The following TJP1 variants were observed in gnomAD, a reference collection of about 807,000 sequenced individuals.
The protein encoded by TJP1 is tight junction protein ZO-1.
Under a neutral mutation model 194.2 loss-of-function variants are expected in TJP1, and 43 were observed. The ratio of observed to expected loss-of-function variants is 0.22; its 90% CI spans 0.17 to 0.29. The LOEUF is 0.29. TJP1 is among the 10% of genes least tolerant of loss of function. The pLI is 1.00. For missense variants in TJP1, 1,971 were observed against 2,185.7 expected, an observed-to-expected ratio of 0.90 and a Z score of 1.96; for synonymous variants, 801 against 779.0, an observed-to-expected ratio of 1.03 and a Z score of -0.47.
chr15:29,880,794 CAATATTCCATTGTACGTA>C (rs2052899164), intron 2 of TJP1, among the ~76,000 whole-genome samples: 1 of 152,176 alleles, frequency 6.6e-6, no homozygotes, highest in Non-Finnish European at 1.5e-5. Context: ...TTAAGCCGAA[CAATATTCCATTGTACGTA>C]TATATCACAT....
chr15:29,909,338 CAAAAAAAA>C (rs11353216), intron 2 of TJP1, among the ~76,000 whole-genome samples: 3 of 93,670 alleles, frequency 3.2e-5, no homozygotes, highest in Non-Finnish European at 6.3e-5. Context: ...ACTTCATCTC[CAAAAAAAA>C]AAAAAAAAAA....
chr15:29,705,377 C>A, intron 26 of TJP1, 151 bp downstream of exon 26: 2 of 760,934 alleles, frequency 2.6e-6, no homozygotes, highest in South Asian at 3.7e-5. Flanking sequence ...CCACTGCTTG[C>A]TTGCAACACC....
chr15:29,956,032 C>A (rs1210365673), intron 2 of TJP1, among the ~76,000 whole-genome samples: 1 of 152,106 alleles, frequency 6.6e-6, no homozygotes, highest in Non-Finnish European at 1.5e-5. Flanking sequence ...TCAGAATCAT[C>A]ATTATGAACC....
intron 5 of TJP1, among the ~76,000 whole-genome samples, chr15:29,763,485 G>A (rs1235990578): frequency 6.6e-6 from 1 of 152,128 alleles, no homozygotes; most frequent in African/African-American, 2.4e-5. Flanking sequence ...TTACATAAGA[G>A]TAGGCTGGGC....
chr15:29,791,086 G>A lies in TJP1; in HGVS notation c.84+9560C>T, dbSNP rs543823683. On this transcript the variant is annotated intron_variant, in intron 2 of 27. Transcript: ENST00000614355. ...TCTGTCACCAGGCTGGAGTGCAATG[G>A]CGCGATTTCGGCTCACTGCAATCTC... Among the ~76,000 whole-genome samples, 7 of 151,070 alleles carry A rather than the reference G, an allele frequency of 4.6e-5. No individual in the cohort carries two copies. The East Asian group carries it at 1.4e-3, about 29-fold the overall frequency.
chr15:29,930,762 T>C (rs193204228), intron 2 of TJP1, among the ~76,000 whole-genome samples: 7 of 152,184 alleles, frequency 4.6e-5, no homozygotes, highest in Admixed American at 1.3e-4. Flanking sequence ...GGCGTAAGGA[T>C]TGGAAAGGAA....
intron 2 of TJP1, among the ~76,000 whole-genome samples, chr15:29,890,801 T>TA (rs11292309): frequency 0.39 from 57,435 of 148,266 alleles, 11,252 homozygotes; most frequent in Middle Eastern, 0.52. Flanking sequence ...CATCTACTGT[T>TA]AAAAAAAAAA....
Position 29,704,252 on chromosome 15 carries a change from G to A in TJP1, c.5122C>T (p.Leu1708=), listed in dbSNP as rs2041748978. 5.0e-6 allele frequency: 8 copies of A among 1,598,260 alleles called. No individual in the cohort carries two copies. The highest frequency in any genetic ancestry group is 6.8e-6 in the Non-Finnish European group (8 of 1,172,660). ...VMCGPHGLKF[L]KPVELRLPHC... ...GGTAAGCGCAGCTCCACAGGCTTCA[G>A]GAACTTGAGGCCATGGGGACCACAC... The change falls in exon 27 of 28, where the codon CTG becomes TTG. Residue 1708 remains leucine, a synonymous_variant. Coordinates refer to ENST00000614355, the MANE Select transcript of TJP1 (RefSeq NM_001330239.4).
chr15:29,800,575 T>G, intron 2 of TJP1, 71 bp downstream of exon 2: 2 of 1,486,076 alleles, frequency 1.3e-6, no homozygotes, highest in Non-Finnish European at 1.9e-6. Flanking sequence ...ACATCTGGCT[T>G]TCCTCTATTG....
At chr15:29,825,617 C>CAA (rs1257934219), upstream of TJP1, among the ~76,000 whole-genome samples, 3 of 151,974 alleles carry the variant, frequency 2.0e-5, no homozygotes, top group African/African-American at 7.2e-5. Context: ...GTTTTAATTG[C>CAA]AAAAAAGATC....
At chr15:29,727,653 C>G (rs574705288) in intron 16 of TJP1, among the ~76,000 whole-genome samples, 1 of 152,276 alleles carries the variant, frequency 6.6e-6, no homozygotes, top group East Asian at 1.9e-4. Context: ...ATGTAAATAA[C>G]AAACTACAAC....
intron 8 of TJP1, among the ~76,000 whole-genome samples, chr15:29,749,631 C>G (rs2045109645): frequency 6.6e-6 from 1 of 152,088 alleles, no homozygotes; most frequent in African/African-American, 2.4e-5. Flanking sequence ...GTGAAGTCTC[C>G]CATGAGATAC....
chr15:29,914,419 A>AAAGCC (rs1269868411), intron 2 of TJP1, among the ~76,000 whole-genome samples: 1 of 152,164 alleles, frequency 6.6e-6, no homozygotes, highest in East Asian at 1.9e-4. Flanking sequence ...AAGCCTGGAG[A>AAAGCC]AAGCCAGGCA....
intron 2 of TJP1, among the ~76,000 whole-genome samples, chr15:29,924,370 C>G (rs2054460539): frequency 6.6e-6 from 1 of 151,910 alleles, no homozygotes; most frequent in Non-Finnish European, 1.5e-5. Flanking sequence ...CATGCTCAGC[C>G]AATAATTTTT....
intron 2 of TJP1, among the ~76,000 whole-genome samples, chr15:29,834,461 ACCTG>A (rs1339126930): frequency 1.3e-5 from 2 of 150,068 alleles, no homozygotes; most frequent in Non-Finnish European, 3.0e-5. Flanking sequence ...CTCACAATCC[ACCTG>A]CCTTGGCCTC....
chr15:29,783,072 G>A (rs1408660737), intron 2 of TJP1, among the ~76,000 whole-genome samples: 4 of 152,012 alleles, frequency 2.6e-5, no homozygotes, highest in Admixed American at 6.6e-5. Flanking sequence ...TCAGAAGTTC[G>A]AGGCCAGCCT....
At chr15:29,967,909 T>C (rs2056385982) in intron 1 of TJP1, among the ~76,000 whole-genome samples, 1 of 152,254 alleles carries the variant, frequency 6.6e-6, no homozygotes, top group Admixed American at 6.5e-5. Context: ...TTCCCTTTAC[T>C]AGGTTATTTC....
rs553904679 is a variant in TJP1 at position 29,876,694 on chromosome 15, G to A, written c.307-75992C>T. On this transcript the variant is annotated intron_variant, in intron 2 of 28. Transcript: ENST00000356107. ...CAAGACGGGTCTGCTTGTGATCTTG[G>A]TTCATATAGAATAGTTTCTACTAGT... 3.3e-3 allele frequency among the ~76,000 whole-genome samples: 506 copies of A among 152,164 alleles called. 3 individuals carry two copies. Among genetic ancestry groups the A allele is most frequent in the African/African-American group, 0.012 (485 of 41,498 alleles).
chr15:29,859,885 C>A (rs988772859), intron 2 of TJP1, among the ~76,000 whole-genome samples: 2 of 152,098 alleles, frequency 1.3e-5, no homozygotes, highest in Non-Finnish European at 2.9e-5. Context: ...ATTTTAGGAA[C>A]CGGGATGTTT....
Sources: allele counts gnomAD v4.1 joint callset (sites outside exome capture counted in the v4.1 genomes callset), GRCh38; gene constraint gnomAD v4.1.1; transcripts MANE v1.5; gene names NCBI Gene and HGNC (gene_info 2026-07-23, HGNC 2026-07-21).